The following SEC11A variants were observed in gnomAD, a reference collection of about 807,000 sequenced individuals.
SEC11A encodes signal peptidase complex catalytic subunit SEC11A.
A neutral mutation model predicts 25.6 loss-of-function variants in SEC11A; 14 were observed. That is an observed-to-expected ratio of 0.55 (90% confidence interval 0.36 to 0.85). The LOEUF is 0.85. Among genes scored for constraint, SEC11A ranks in the 40% least tolerant of loss-of-function variants. The pLI is 0.01. For missense variants in SEC11A, 153 were observed against 222.9 expected (o/e 0.69, Z 2.00); for synonymous variants, 83 against 76.4 (o/e 1.09, Z -0.45).
chr15:84,693,961 G>A (rs1897683531), intron 1 of SEC11A, among the ~76,000 whole-genome samples: 1 of 152,042 alleles, frequency 6.6e-6, no homozygotes, highest in Non-Finnish European at 1.5e-5. Flanking sequence ...GAACAAATAT[G>A]GCCAAAATGC....
intron 4 of SEC11A, among the ~76,000 whole-genome samples, chr15:84,674,973 C>T (rs1185622673): frequency 6.6e-6 from 1 of 152,164 alleles, no homozygotes; most frequent in Non-Finnish European, 1.5e-5. Flanking sequence ...TATGACGAGG[C>T]AGTTCAAAGT....
intron 1 of SEC11A, among the ~76,000 whole-genome samples, chr15:84,695,463 CAAA>C (rs1256181529): frequency 8.4e-6 from 1 of 118,738 alleles, no homozygotes. Context: ...AACTCCGTCT[CAAA>C]AAAAAAAAAA....
chr15:84,675,540 T>C (rs1897111651), intron 4 of SEC11A, among the ~76,000 whole-genome samples: 1 of 152,246 alleles, frequency 6.6e-6, no homozygotes, highest in South Asian at 2.1e-4. Context: ...GTTTCTAGAA[T>C]GACTTGTTTC....
chr15:84,706,465 A>G (rs781281368), intron 1 of SEC11A, among the ~76,000 whole-genome samples: 2 of 152,078 alleles, frequency 1.3e-5, no homozygotes, highest in Non-Finnish European at 2.9e-5. Flanking sequence ...CTCCCATCTA[A>G]AAGTCAGTGA....
intron 3 of SEC11A, among the ~76,000 whole-genome samples, chr15:84,685,147 C>T (rs151182994): frequency 6.6e-6 from 1 of 152,174 alleles, no homozygotes; most frequent in Admixed American, 6.5e-5. Flanking sequence ...GAATTCTGTA[C>T]AAAATTATTT....
intron 1 of SEC11A, among the ~76,000 whole-genome samples, chr15:84,710,406 G>A (rs1331943354): frequency 6.6e-6 from 1 of 152,190 alleles, no homozygotes; most frequent in African/African-American, 2.4e-5. Flanking sequence ...GGCCAAGGCA[G>A]GCGGATCACT....
At chr15:84,678,707 C>G (rs922011754) in intron 4 of SEC11A, among the ~76,000 whole-genome samples, 1 of 152,096 alleles carries the variant, frequency 6.6e-6, no homozygotes, top group Non-Finnish European at 1.5e-5. Context: ...TATGTACATA[C>G]TAGGGCTGGG....
intron 1 of SEC11A, among the ~76,000 whole-genome samples, chr15:84,698,004 C>CT (rs1897817582): frequency 6.6e-6 from 1 of 151,886 alleles, no homozygotes; most frequent in Admixed American, 6.6e-5. Flanking sequence ...GTTTACTATT[C>CT]TTTTTTTTCT....
chr15:84,674,444 T>C (rs2141869424), intron 4 of SEC11A, among the ~76,000 whole-genome samples: 1 of 152,194 alleles, frequency 6.6e-6, no homozygotes, highest in African/African-American at 2.4e-5. Context: ...AAGCAGCCAT[T>C]CTAATACACA....
chr15:84,708,389 C>T (rs1472369912), intron 1 of SEC11A, among the ~76,000 whole-genome samples: 3 of 151,840 alleles, frequency 2.0e-5, no homozygotes, highest in Non-Finnish European at 4.4e-5. Flanking sequence ...TTTCCTGAAC[C>T]TAAATAAGAC....
At chr15:84,684,372 T>C (rs1032733731) in intron 3 of SEC11A, among the ~76,000 whole-genome samples, 1 of 152,194 alleles carries the variant, frequency 6.6e-6, no homozygotes, top group African/African-American at 2.4e-5. Flanking sequence ...GTTTTATAAA[T>C]GGGAGATCCC....
intron 1 of SEC11A, among the ~76,000 whole-genome samples, chr15:84,711,486 G>C (rs1056502149): frequency 6.6e-6 from 1 of 151,928 alleles, no homozygotes; most frequent in Non-Finnish European, 1.5e-5. Flanking sequence ...CTGCAAGCTG[G>C]TTGTTAAACA....
At chr15:84,676,029 A>C (rs1385592050) in intron 4 of SEC11A, among the ~76,000 whole-genome samples, 1 of 152,186 alleles carries the variant, frequency 6.6e-6, no homozygotes, top group East Asian at 1.9e-4. Context: ...GCTAATGAGT[A>C]CTGAGTTTTA....
chr15:84,683,421 A>AACT (rs1567036098), intron 3 of SEC11A, among the ~76,000 whole-genome samples: 32 of 139,732 alleles, frequency 2.3e-4, no homozygotes, highest in African/African-American at 7.8e-4. Flanking sequence ...ACAAACAAAC[A>AACT]AACTAACTAA....
intron 3 of SEC11A, among the ~76,000 whole-genome samples, chr15:84,682,942 T>C (rs1263889473): frequency 6.6e-6 from 1 of 152,146 alleles, no homozygotes; most frequent in Non-Finnish European, 1.5e-5. Flanking sequence ...CAGGTTTCTA[T>C]GGGCTAATAT....
At chr15:84,701,371 G>A (rs193071858) in intron 1 of SEC11A, among the ~76,000 whole-genome samples, 20 of 151,444 alleles carry the variant, frequency 1.3e-4, no homozygotes, top group African/African-American at 4.8e-4. Context: ...CTAGGGTGGA[G>A]TGCAATGGCA....
chr15:84,687,711 A>T lies in SEC11A; in HGVS notation c.225T>A (p.Asp75Glu), dbSNP rs1341105473. 1 of 1,603,318 alleles carries T rather than the reference A, an allele frequency of 6.2e-7. No homozygotes were observed. Among genetic ancestry groups the T allele is most frequent in the Middle Eastern group, 1.7e-4 (1 of 6,036 alleles). Reference sequence around the variant, plus strand: ...CAACAATTTCTCCCACTCGTATGGGATCTTCAACTCGATTTGTTAGAAAGA... The same window carrying T: ...CAACAATTTCTCCCACTCGTATGGGTTCTTCAACTCGATTTGTTAGAAAGA... ...DLLFLTNRVE[D>E]PIRVGEIVVF... is the part of the protein sequence containing the mutation. The change falls in exon 3 of 6, where the codon GAT becomes GAA. Residue 75 changes from aspartate (D) to glutamate (E), a missense_variant. Transcript: ENST00000268220.
intron 1 of SEC11A, among the ~76,000 whole-genome samples, chr15:84,703,204 T>G (rs1292847772): frequency 6.6e-6 from 1 of 152,158 alleles, no homozygotes; most frequent in Non-Finnish European, 1.5e-5. Flanking sequence ...ACTAACAACT[T>G]GACCATGGGC....
chr15:84,694,781 T>C (rs1438457088), intron 1 of SEC11A, among the ~76,000 whole-genome samples: 3 of 151,154 alleles, frequency 2.0e-5, no homozygotes, highest in Non-Finnish European at 4.4e-5. Context: ...AGCAAGACCT[T>C]TATCTCTACA....
Sources: gnomAD v4.1 joint callset for allele counts (sites outside exome capture counted in the v4.1 genomes callset) on GRCh38, gnomAD v4.1.1 for gene constraint, MANE v1.5 for transcripts, NCBI Gene and HGNC (gene_info 2026-07-23, HGNC 2026-07-21) for gene names.